Variants in RFX7 observed in about 807,000 individuals in gnomAD.
RFX7 encodes regulatory factor X7, also known as DNA-binding protein RFX7.
RFX7 carries 26 observed loss-of-function variants against 111.8 expected under a neutral mutation model. The observed-to-expected ratio is 0.23, with a 90% CI of 0.17 to 0.32. The LOEUF is 0.32. Ranked by LOEUF, RFX7 falls within the 10% of genes least tolerant of loss-of-function variation. The pLI is 1.00. For missense variants in RFX7, 1,573 were observed against 1,772.9 expected, an observed-to-expected ratio of 0.89 and a Z score of 2.02; for synonymous variants, 624 against 624.4, an observed-to-expected ratio of 1.00 and a Z score of 0.01.
intron 2 of RFX7, among the ~76,000 whole-genome samples, chr15:56,207,857 C>A (rs1468625733): frequency 6.6e-6 from 1 of 152,156 alleles, no homozygotes; most frequent in Admixed American, 6.5e-5. Context: ...GGTCAAATCA[C>A]AAACCCCCCA....
At chr15:56,096,873 T>G (rs757601274) in intron 9 of RFX7, among the ~76,000 whole-genome samples, 6 of 152,228 alleles carry the variant, frequency 3.9e-5, no homozygotes, top group Non-Finnish European at 1.5e-5. Flanking sequence ...GACTAAAAGC[T>G]TCACACCTGT....
At chr15:56,196,586 C>G (rs2043147736) in intron 2 of RFX7, among the ~76,000 whole-genome samples, 1 of 151,994 alleles carries the variant, frequency 6.6e-6, no homozygotes, top group African/African-American at 2.4e-5. Flanking sequence ...TGTTGAAGCC[C>G]TAACCCCCAA....
chr15:56,111,870 A>ACTT (rs1231951961), intron 5 of RFX7, among the ~76,000 whole-genome samples: 2 of 151,986 alleles, frequency 1.3e-5, no homozygotes, highest in African/African-American at 4.8e-5. Context: ...TAGTCCCAGC[A>ACTT]CTTTGGGAGG....
At chr15:56,234,333 G>A (rs1315529810) in intron 2 of RFX7, among the ~76,000 whole-genome samples, 1 of 152,144 alleles carries the variant, frequency 6.6e-6, no homozygotes, top group Non-Finnish European at 1.5e-5. Flanking sequence ...AAACAAATGT[G>A]TACTGAATTC....
At chr15:56,155,586 G>A (rs1484330656) in intron 3 of RFX7, among the ~76,000 whole-genome samples, 1 of 152,172 alleles carries the variant, frequency 6.6e-6, no homozygotes, top group Admixed American at 6.5e-5. Context: ...GACACAGGGA[G>A]GGGAACATCA....
chr15:56,137,202 C>G (rs1339584997), intron 5 of RFX7, among the ~76,000 whole-genome samples: 1 of 152,014 alleles, frequency 6.6e-6, no homozygotes, highest in Non-Finnish European at 1.5e-5. Context: ...ACCAGTTCCT[C>G]CTTGTACCTC....
In RFX7 at chr15:56,241,574, G is replaced by A. The variant is rs116440612; in HGVS notation, c.161+1551C>T. On this transcript the variant is annotated intron_variant, in intron 2 of 9. Transcript: ENST00000559447. ...TTTCAGAAACACAAAGTTACGTCACGTTACTAGAGGTTAAAAACACACACA... is the reference window on the plus strand; with the variant it reads ...TTTCAGAAACACAAAGTTACGTCACATTACTAGAGGTTAAAAACACACACA... Among the ~76,000 whole-genome samples the A allele has an allele frequency of 7.2e-3, 1,094 of 152,196 alleles. 11 individuals carry two copies. The highest frequency in any genetic ancestry group is 0.026 in the African/African-American group (1,059 of 41,502).
intron 3 of RFX7, among the ~76,000 whole-genome samples, chr15:56,153,574 G>C (rs910385048): frequency 2.6e-5 from 4 of 152,028 alleles, no homozygotes; most frequent in African/African-American, 7.3e-5. Flanking sequence ...ATGCAGAAAA[G>C]GCCTTTGATA....
At chr15:56,130,164 T>G (rs1010538667) in intron 5 of RFX7, among the ~76,000 whole-genome samples, 1 of 152,120 alleles carries the variant, frequency 6.6e-6, no homozygotes, top group Non-Finnish European at 1.5e-5. Flanking sequence ...AGATGAGCAG[T>G]GTGTTAACAG....
At chr15:56,110,255 C>T (rs1366380455) in intron 5 of RFX7, among the ~76,000 whole-genome samples, 11 of 85,540 alleles carry the variant, frequency 1.3e-4, no homozygotes, top group South Asian at 5.8e-4. Flanking sequence ...CCGCCCCGTC[C>T]GGGAGGGAGG....
intron 5 of RFX7, among the ~76,000 whole-genome samples, chr15:56,113,670 TAAAAAA>T (rs11449454): frequency 6.8e-6 from 1 of 146,568 alleles, no homozygotes; most frequent in African/African-American, 2.5e-5. Context: ...AAAATAAAAT[TAAAAAA>T]AAAAAAAGTA....
rs374367463 is a variant in RFX7 at position 56,214,470 on chromosome 15, C to T, written c.161+28655G>A. ...GTGGCTCACGCCTGTAATCCCAGCA[C>T]TTTGGGAGGCCGAGGTGGGCGGATC... On this transcript the variant is annotated intron_variant, in intron 2 of 9. Coordinates refer to ENST00000559447, the MANE Select transcript of RFX7 (RefSeq NM_022841.7). 1.8e-4 allele frequency among the ~76,000 whole-genome samples: 28 copies of T among 151,684 alleles called. No homozygotes were observed. In the East Asian group the frequency reaches 5.4e-3, roughly 29 times the overall value.
At chr15:56,230,074 A>C (rs1388997115) in intron 2 of RFX7, among the ~76,000 whole-genome samples, 1 of 143,292 alleles carries the variant, frequency 7.0e-6, no homozygotes, top group Non-Finnish European at 1.5e-5. Context: ...CTTGTCTCCT[A>C]AAAAAAAATA....
chr15:56,221,137 T>G (rs1403400119), intron 2 of RFX7, among the ~76,000 whole-genome samples: 7 of 152,234 alleles, frequency 4.6e-5, no homozygotes, highest in Non-Finnish European at 1.0e-4. Flanking sequence ...CTTTGTTCAT[T>G]TTGCTTAGGA....
rs576656191 is a variant in RFX7, at chr15:56,233,482, G to A, written c.161+9643C>T. On this transcript the variant is annotated intron_variant, in intron 2 of 9. Coordinates refer to ENST00000559447, the MANE Select transcript of RFX7 (RefSeq NM_022841.7). ...GGGACACAGCCAAACCATATCAGCA[G>A]TGGAAATAGGAAGACAAGGAGAAAT... 4.6e-5 allele frequency among the ~76,000 whole-genome samples: 7 copies of A among 152,236 alleles called. No homozygotes were observed. The South Asian group carries it at 1.5e-3, about 32-fold the overall frequency.
At chr15:56,177,705 A>C (rs1175789878) in intron 3 of RFX7, among the ~76,000 whole-genome samples, 1 of 152,174 alleles carries the variant, frequency 6.6e-6, no homozygotes, top group African/African-American at 2.4e-5. Context: ...TATTGCAAAG[A>C]GAGTGGGTGG....
chr15:56,096,031 C>G lies in RFX7; in HGVS notation c.1697G>C (p.Ser566Thr). Residue 566 changes from serine (S) to threonine (T), a missense_variant, in exon 10 of 10, where the codon AGT becomes ACT. Around this residue, in one of 7 missense-constraint regions of RFX7, gnomAD observed 625 missense variants for 632.2 expected, o/e 0.99. Coordinates refer to ENST00000559447, the MANE Select transcript of RFX7 (RefSeq NM_022841.7). ...SDEAKAPQTP[S>T]ALLGQKSNTD... Reference sequence around the variant, plus strand: ...ATTACTTTTCTGCCCCAAAAGGGCACTAGGTGTCTGGGGAGCTTTAGCCTC... The same window carrying G: ...ATTACTTTTCTGCCCCAAAAGGGCAGTAGGTGTCTGGGGAGCTTTAGCCTC... 3 of 1,613,188 alleles carry G rather than the reference C, an allele frequency of 1.9e-6. No homozygotes were observed. The highest frequency in any genetic ancestry group is 1.7e-5 in the Admixed American group (1 of 59,912).
At chr15:56,216,160 C>T (rs191778061) in intron 2 of RFX7, among the ~76,000 whole-genome samples, 1 of 152,234 alleles carries the variant, frequency 6.6e-6, no homozygotes, top group African/African-American at 2.4e-5. Context: ...AGATTGTAAA[C>T]ATATTTTTTA....
At chr15:56,189,359 A>G (rs574378255) in intron 2 of RFX7, among the ~76,000 whole-genome samples, 72 of 152,178 alleles carry the variant, frequency 4.7e-4, no homozygotes, top group Non-Finnish European at 7.9e-4. Context: ...CACCCAGGAC[A>G]ACAGAACAAG....
Sources: gnomAD v4.1 joint callset for allele counts (sites outside exome capture counted in the v4.1 genomes callset) on GRCh38, gnomAD v4.1.1 for gene constraint, gnomAD v4.1.1 regional missense constraint, MANE v1.5 for transcripts, NCBI Gene and HGNC (gene_info 2026-07-23, HGNC 2026-07-21) for gene names.